DISC1: variants seen among roughly 807,000 people sequenced by gnomAD.
DISC1 encodes DISC1 scaffold protein.
DISC1 carries 57 observed loss-of-function variants against 84.5 expected under a neutral mutation model. The observed-to-expected ratio is 0.67, with a 90% CI of 0.55 to 0.84. The LOEUF is 0.84. Ranked by LOEUF, DISC1 falls within the 40% of genes least tolerant of loss-of-function variation. DISC1 has a pLI of 0.00. For missense variants in DISC1, 1,000 were observed against 1,057.8 expected, an observed-to-expected ratio of 0.95 and a Z score of 0.76; for synonymous variants, 411 against 415.2, an observed-to-expected ratio of 0.99 and a Z score of 0.12.
intron 9 of DISC1, among the ~76,000 whole-genome samples, chr1:231,889,179 G>T (rs913310637): frequency 3.3e-5 from 5 of 152,172 alleles, no homozygotes; most frequent in African/African-American, 1.2e-4. Context: ...AGAACTGAGA[G>T]TTCTGGGTCT....
intron 1 of DISC1, among the ~76,000 whole-genome samples, chr1:231,638,079 T>C (rs1251364578): frequency 6.6e-6 from 1 of 152,234 alleles, no homozygotes; most frequent in Non-Finnish European, 1.5e-5. Flanking sequence ...GTGGTTTCAA[T>C]TTGCATTTCT....
intron 9 of DISC1, chr1:231,866,414 G>T: frequency 3.0e-6 from 2 of 676,592 alleles, no homozygotes; most frequent in South Asian, 1.6e-5. Context: ...ACAATTCTTT[G>T]ATTTATTAAA....
At chr1:232,017,043 A>G (rs918490248) in intron 11 of DISC1, among the ~76,000 whole-genome samples, 1 of 152,202 alleles carries the variant, frequency 6.6e-6, no homozygotes, top group African/African-American at 2.4e-5. Flanking sequence ...CATGTGAAAT[A>G]TATTCTTTGT....
chr1:231,880,427 C>G (rs1294304933), intron 9 of DISC1, among the ~76,000 whole-genome samples: 1 of 152,106 alleles, frequency 6.6e-6, no homozygotes, highest in Non-Finnish European at 1.5e-5. Flanking sequence ...AAGAATGTCT[C>G]ATTTTGTTAT....
intron 10 of DISC1, among the ~76,000 whole-genome samples, chr1:231,987,454 A>G (rs1189767281): frequency 6.6e-6 from 1 of 152,266 alleles, no homozygotes; most frequent in African/African-American, 2.4e-5. Flanking sequence ...TTGCCTGTAA[A>G]GGCCTAATCT....
intron 9 of DISC1, among the ~76,000 whole-genome samples, chr1:231,931,989 G>A (rs1487668282): frequency 6.6e-6 from 1 of 151,982 alleles, no homozygotes; most frequent in Non-Finnish European, 1.5e-5. Flanking sequence ...ATGGCCGTGG[G>A]GAGCCCGACT....
intron 9 of DISC1, among the ~76,000 whole-genome samples, chr1:231,850,030 C>T (rs2083779786): frequency 6.6e-6 from 1 of 152,180 alleles, no homozygotes; most frequent in Non-Finnish European, 1.5e-5. Flanking sequence ...TAAATCTCTG[C>T]TTGCTTGAGA....
chr1:231,872,722 A>C (rs2125958441), intron 9 of DISC1, among the ~76,000 whole-genome samples: 1 of 152,238 alleles, frequency 6.6e-6, no homozygotes, highest in South Asian at 2.1e-4. Context: ...TGACAGGCAC[A>C]CAGTCTTCAC....
At chr1:231,669,322 T>G (rs1047683328) in intron 1 of DISC1, among the ~76,000 whole-genome samples, 5 of 152,142 alleles carry the variant, frequency 3.3e-5, no homozygotes, top group African/African-American at 1.2e-4. Context: ...TGGGCCAAGA[T>G]TTCATGATGA....
chr1:231,690,211 A>G (rs1352234623), intron 1 of DISC1, among the ~76,000 whole-genome samples: 1 of 152,168 alleles, frequency 6.6e-6, no homozygotes, highest in East Asian at 1.9e-4. Flanking sequence ...GGGGTCATAT[A>G]TTACCAGGGC....
In DISC1 at chr1:231,721,455, T is replaced by C. The variant is rs1483276330; in HGVS notation, c.1117+19431T>C. Among the ~76,000 whole-genome samples, 4 of 152,234 alleles carry C rather than the reference T, an allele frequency of 2.6e-5. No homozygotes were observed. The East Asian group carries it at 7.7e-4, about 29-fold the overall frequency. On this transcript the variant is annotated intron_variant, in intron 3 of 12. Coordinates refer to ENST00000439617, the MANE Select transcript of DISC1 (RefSeq NM_018662.3). ...AAATCTGGCTGAGATTAATATTTGA[T>C]GCATATTTATGAAATCAGATATATC... is the stretch of plus-strand genomic sequence containing the variant.
intron 10 of DISC1, among the ~76,000 whole-genome samples, chr1:232,007,424 A>T (rs867694989): frequency 6.6e-6 from 1 of 152,180 alleles, no homozygotes; most frequent in South Asian, 2.1e-4. Flanking sequence ...CATCAGCATG[A>T]CCTGGTTCTG....
intron 9 of DISC1, among the ~76,000 whole-genome samples, chr1:231,887,374 C>T (rs552515284): frequency 6.3e-4 from 96 of 152,240 alleles, no homozygotes; most frequent in African/African-American, 2.2e-3. Context: ...CTCCCTGGCA[C>T]CAAGGAGTTA....
intron 9 of DISC1, among the ~76,000 whole-genome samples, chr1:231,930,213 T>G (rs1332946658): frequency 6.6e-6 from 1 of 152,234 alleles, no homozygotes; most frequent in African/African-American, 2.4e-5. Context: ...ATCCTGTCCT[T>G]TAACCCTTGC....
chr1:231,820,801 T>C (rs1401195215), intron 9 of DISC1, among the ~76,000 whole-genome samples: 4 of 152,234 alleles, frequency 2.6e-5, no homozygotes, highest in Non-Finnish European at 5.9e-5. Flanking sequence ...AACCTTGTTA[T>C]ATGGTAACAG....
At chr1:231,648,316 CAT>C (rs2060307984) in intron 1 of DISC1, among the ~76,000 whole-genome samples, 2 of 152,146 alleles carry the variant, frequency 1.3e-5, no homozygotes, top group African/African-American at 4.8e-5. Context: ...TTGAGATAAT[CAT>C]GTGTTTTTTT....
intron 9 of DISC1, among the ~76,000 whole-genome samples, chr1:231,937,597 C>G (rs552994434): frequency 6.6e-6 from 1 of 152,188 alleles, no homozygotes; most frequent in African/African-American, 2.4e-5. Flanking sequence ...GTTACAGCAC[C>G]GGAACATGGT....
intron 6 of DISC1, among the ~76,000 whole-genome samples, chr1:231,784,449 A>G (rs1409628481): frequency 6.6e-6 from 1 of 152,208 alleles, no homozygotes; most frequent in Non-Finnish European, 1.5e-5. Context: ...AAAGAGTCAA[A>G]TAACTAAACG....
Position 231,930,847 on chromosome 1 carries a change from GC to G in DISC1, c.1982-27979del, listed in dbSNP as rs946159651. 3.7e-4 allele frequency among the ~76,000 whole-genome samples: 56 copies of G among 152,284 alleles called. 1 individual carries two copies. The highest frequency in any genetic ancestry group is 6.8e-3 in the Middle Eastern group (2 of 294). ...GGAGACTAGATGTACAAGATTACAA[GC>G]CAGATGCAAGTCTAGTTTCTGGGGT... On this transcript the variant is annotated intron_variant, in intron 9 of 12. Transcript: ENST00000439617.
Sources: gnomAD v4.1 joint callset for allele counts (sites outside exome capture counted in the v4.1 genomes callset) on GRCh38, gnomAD v4.1.1 for gene constraint, MANE v1.5 for transcripts, NCBI Gene and HGNC (gene_info 2026-07-23, HGNC 2026-07-21) for gene names.